KCTD8: variants seen among roughly 807,000 people sequenced by gnomAD.
KCTD8 encodes potassium channel tetramerization domain containing 8, also known as BTB/POZ domain-containing protein KCTD8.
Under a neutral mutation model 31.5 loss-of-function variants are expected in KCTD8, and 27 were observed. The observed-to-expected ratio is 0.86, with a 90% confidence interval of 0.63 to 1.18. The LOEUF (loss-of-function observed/expected upper bound fraction) is 1.18. Ranked by LOEUF, KCTD8 falls within the 50% of genes most tolerant of loss-of-function variation. KCTD8 has a pLI of 0.00. For missense variants in KCTD8, 658 were observed against 647.7 expected (o/e 1.02, Z -0.17); for synonymous variants, 290 against 280.0 (o/e 1.04, Z -0.36).
intron 1 of KCTD8, among the ~76,000 whole-genome samples, chr4:44,364,743 C>T (rs1719586087): frequency 6.6e-6 from 1 of 151,864 alleles, no homozygotes; most frequent in African/African-American, 2.4e-5. Flanking sequence ...AGCTAACAAG[C>T]CAAGAAATGA....
chr4:44,207,429 T>C (rs1341865003), intron 1 of KCTD8, among the ~76,000 whole-genome samples: 2 of 152,186 alleles, frequency 1.3e-5, no homozygotes, highest in Non-Finnish European at 2.9e-5. Flanking sequence ...ACGTTTCTTG[T>C]TCATTTCTCC....
chr4:44,333,464 A>AT (rs1718640706), intron 1 of KCTD8, among the ~76,000 whole-genome samples: 3 of 152,120 alleles, frequency 2.0e-5, no homozygotes. Context: ...ATGCACAGGC[A>AT]TAGTATCAAT....
At chr4:44,196,948 C>T (rs1408837280) in intron 1 of KCTD8, among the ~76,000 whole-genome samples, 3 of 152,188 alleles carry the variant, frequency 2.0e-5, no homozygotes, top group African/African-American at 4.8e-5. Context: ...CTGCCTCACT[C>T]CTTGCCAGAC....
At chr4:44,244,279 T>A (rs1310756072) in intron 1 of KCTD8, among the ~76,000 whole-genome samples, 3 of 152,144 alleles carry the variant, frequency 2.0e-5, no homozygotes, top group Non-Finnish European at 4.4e-5. Flanking sequence ...GCATAGATAT[T>A]TATAGAGCCC....
At chr4:44,321,469 GT>G (rs1326752555) in intron 1 of KCTD8, among the ~76,000 whole-genome samples, 2 of 151,912 alleles carry the variant, frequency 1.3e-5, no homozygotes, top group Admixed American at 6.6e-5. Context: ...TTTGTTTTAT[GT>G]TTTTTTGATA....
intron 1 of KCTD8, among the ~76,000 whole-genome samples, chr4:44,231,441 T>C (rs1715115238): frequency 6.6e-6 from 1 of 152,228 alleles, no homozygotes; most frequent in South Asian, 2.1e-4. Flanking sequence ...CTATGACATT[T>C]AACAATACTG....
Position 44,447,575 on chromosome 4 carries a change from A to G in KCTD8, c.949T>C (p.Tyr317His). The change falls in exon 1 of 2, where the codon TAC becomes CAC. Residue 317 changes from tyrosine to histidine, a missense_variant. By Grantham distance (83) the Tyr-to-His change is moderately conservative. Transcript: ENST00000360029. Reference protein sequence around the residue: ...DDKIWSSYTEYIFFRPPQKIV... With the variant: ...DDKIWSSYTEHIFFRPPQKIV... ...GCTGCGAACTTACGGAAGAAAATGT[A>G]CTCGGTGTAGCTGCTCCAGATCTTG... 1 of 1,570,794 alleles carries G rather than the reference A, an allele frequency of 6.4e-7. No individual in the cohort carries two copies. The highest frequency in any genetic ancestry group is 8.7e-7 in the Non-Finnish European group (1 of 1,154,976).
chr4:44,228,689 C>T lies in KCTD8; in HGVS notation c.962-53439G>A, dbSNP rs535819794. ...CTGACCAATCTGAAACACTATTACC[C>T]CCCATTATTCCTCTATCACAGTTTA... On this transcript the variant is annotated intron_variant, in intron 1 of 1. Transcript: ENST00000360029. Among the ~76,000 whole-genome samples the T allele has an allele frequency of 1.5e-4, 23 of 152,296 alleles. No homozygotes were observed. The East Asian group carries it at 4.3e-3, about 28-fold the overall frequency.
chr4:44,377,045 T>C (rs1178251460), intron 1 of KCTD8, among the ~76,000 whole-genome samples: 2 of 152,190 alleles, frequency 1.3e-5, no homozygotes, highest in Non-Finnish European at 2.9e-5. Flanking sequence ...CATGTTTAAG[T>C]ATTTAAAAGG....
chr4:44,227,212 T>G (rs192573823), intron 1 of KCTD8, among the ~76,000 whole-genome samples: 1 of 152,206 alleles, frequency 6.6e-6, no homozygotes, highest in African/African-American at 2.4e-5. Context: ...GAGTTAATTT[T>G]TGTATAAGGT....
intron 1 of KCTD8, among the ~76,000 whole-genome samples, chr4:44,428,682 C>T (rs1721403360): frequency 6.6e-6 from 1 of 151,736 alleles, no homozygotes; most frequent in Non-Finnish European, 1.5e-5. Context: ...AACTAGAAAA[C>T]ACATATAATT....
intron 1 of KCTD8, among the ~76,000 whole-genome samples, chr4:44,446,028 T>C (rs1721930260): frequency 2.0e-5 from 3 of 152,234 alleles, no homozygotes; most frequent in Non-Finnish European, 4.4e-5. Flanking sequence ...GACAGTTTTT[T>C]AGCTTCCAAT....
At chr4:44,224,095 T>C (rs1714880928) in intron 1 of KCTD8, among the ~76,000 whole-genome samples, 1 of 152,216 alleles carries the variant, frequency 6.6e-6, no homozygotes, top group African/African-American at 2.4e-5. Flanking sequence ...CTATGATCCC[T>C]TCTTCGATGA....
At chr4:44,239,449 T>A (rs1339126570) in intron 1 of KCTD8, among the ~76,000 whole-genome samples, 2 of 152,164 alleles carry the variant, frequency 1.3e-5, no homozygotes, top group Admixed American at 1.3e-4. Flanking sequence ...CATAGTGTTA[T>A]CAAGTTGATG....
At chr4:44,414,200 A>G (rs1577661908) in intron 1 of KCTD8, among the ~76,000 whole-genome samples, 1 of 123,918 alleles carries the variant, frequency 8.1e-6, no homozygotes, top group Non-Finnish European at 1.5e-5. Context: ...CAGAGTCCTG[A>G]AAAAAAAAAA....
At chr4:44,306,314 A>T (rs1281619821) in intron 1 of KCTD8, among the ~76,000 whole-genome samples, 3 of 152,044 alleles carry the variant, frequency 2.0e-5, no homozygotes, top group African/African-American at 7.2e-5. Context: ...CTATCATTAT[A>T]TTTCTAGATT....
intron 1 of KCTD8, among the ~76,000 whole-genome samples, chr4:44,297,503 A>G (rs536032995): frequency 1.3e-5 from 2 of 151,692 alleles, no homozygotes; most frequent in South Asian, 4.2e-4. Context: ...GAAATATAGT[A>G]TATGTGCATC....
chr4:44,347,906 C>T (rs1719077208), intron 1 of KCTD8, among the ~76,000 whole-genome samples: 2 of 152,074 alleles, frequency 1.3e-5, no homozygotes, highest in South Asian at 4.1e-4. Context: ...TCATTATTAT[C>T]CCTGTAGGGC....
At chr4:44,265,902 C>A (rs1242302977) in intron 1 of KCTD8, among the ~76,000 whole-genome samples, 1 of 151,770 alleles carries the variant, frequency 6.6e-6, no homozygotes, top group Non-Finnish European at 1.5e-5. Flanking sequence ...GTGAAAAGAC[C>A]AAATCTACAT....
Sources: allele counts gnomAD v4.1 joint callset (sites outside exome capture counted in the v4.1 genomes callset), GRCh38; gene constraint gnomAD v4.1.1; transcripts MANE v1.5; gene names NCBI Gene and HGNC (gene_info 2026-07-23, HGNC 2026-07-21).